The following CORO2B variants were observed in gnomAD, a reference collection of about 807,000 sequenced individuals.
The protein encoded by CORO2B is coronin 2B.
In CORO2B, 26 loss-of-function variants were observed where a neutral mutation model predicts 58.8. The ratio of observed to expected loss-of-function variants is 0.44; its 90% confidence interval spans 0.32 to 0.61. CORO2B has a LOEUF of 0.61. Among genes scored for constraint, CORO2B ranks in the 20% least tolerant of loss-of-function variants. The pLI, the probability that CORO2B is intolerant of heterozygous loss-of-function variation, is 0.04. For synonymous variants in CORO2B, 242 were observed against 253.8 expected, an observed-to-expected ratio of 0.95 and a Z score of 0.44; for missense variants, 460 against 645.1, an observed-to-expected ratio of 0.71 and a Z score of 3.11.
chr15:68,592,629 C>G (rs927362600), intron 1 of CORO2B, among the ~76,000 whole-genome samples: 11 of 152,120 alleles, frequency 7.2e-5, no homozygotes, highest in African/African-American at 2.4e-4. Context: ...GGTTCAAGTC[C>G]CACCTCTCTG....
At position 68,602,793 on chromosome 15, in the gene CORO2B, A is replaced by C. The variant is rs138369718; in HGVS notation, c.15+23516A>C. ...ACCCACTTTCTTCCTGAGAACACTA[A>C]GAAGCAATTCCTCTCTGTTTTCTAA... is the stretch of plus-strand genomic sequence containing the variant. On this transcript the variant is annotated intron_variant, in intron 1 of 11. Transcript: ENST00000261861. Among the ~76,000 whole-genome samples the C allele has an allele frequency of 4.0e-3, 603 of 152,358 alleles. 14 individuals carry two copies. The East Asian group carries it at 0.049, about 13-fold the overall frequency.
chr15:68,607,064 T>C (rs527594468), intron 1 of CORO2B, among the ~76,000 whole-genome samples: 3 of 152,126 alleles, frequency 2.0e-5, no homozygotes, highest in East Asian at 3.9e-4. Flanking sequence ...TCGAGATAGA[T>C]ATTGGGCTTT....
At chr15:68,652,496 CAG>C (rs1901673992) in intron 2 of CORO2B, among the ~76,000 whole-genome samples, 5 of 152,198 alleles carry the variant, frequency 3.3e-5, no homozygotes, top group Admixed American at 3.3e-4. Flanking sequence ...GGGCTAGAAA[CAG>C]AGCTACCTGC....
In CORO2B at chr15:68,718,805, C is replaced by T. The variant is rs748183740; in HGVS notation, c.1075C>T (p.Arg359Trp). 1.9e-6 allele frequency: 3 copies of T among 1,613,578 alleles called. No homozygotes were observed. The highest frequency in any genetic ancestry group is 2.5e-6 in the Non-Finnish European group (3 of 1,179,572). ...LIEPISMIVP[R>W]RSDSYQEDIY... ...CGAGCCCATCTCCATGATCGTGCCC[C>T]GGAGGGTAAGTGGGGCTGGGCTGGG... Residue 359 changes from arginine to tryptophan, a missense_variant, in exon 9 of 12, where the codon CGG (arginine) becomes TGG (tryptophan). Arg to Trp is a moderately radical substitution (Grantham distance 101). Around this residue, in one of 2 missense-constraint regions of CORO2B, gnomAD observed 352 missense variants for 543.0 expected, o/e 0.65. Coordinates refer to ENST00000261861, the MANE Select transcript of CORO2B (RefSeq NM_006091.5).
the CORO2B span, among the ~76,000 whole-genome samples, chr15:68,543,623 A>T: frequency 6.6e-6 from 1 of 152,116 alleles, no homozygotes; most frequent in Non-Finnish European, 1.5e-5. Context: ...AGAGTCCATG[A>T]TTCCCATACA....
chr15:68,700,122 G>A (rs756541407), intron 3 of CORO2B, among the ~76,000 whole-genome samples: 36 of 152,118 alleles, frequency 2.4e-4, no homozygotes, highest in Non-Finnish European at 4.7e-4. Flanking sequence ...CTGAGGCATC[G>A]GCCACCGAGG....
At chr15:68,522,937 G>A in the CORO2B span, among the ~76,000 whole-genome samples, 1 of 152,094 alleles carries the variant, frequency 6.6e-6, no homozygotes, top group Admixed American at 6.6e-5. Flanking sequence ...AACATGTGGA[G>A]ACTTTGGATG....
chr15:68,653,566 G>C (rs1278701466), intron 2 of CORO2B, among the ~76,000 whole-genome samples: 2 of 152,098 alleles, frequency 1.3e-5, no homozygotes, highest in Non-Finnish European at 2.9e-5. Context: ...CACTGAAAGG[G>C]GCTGCATCCT....
intron 1 of CORO2B, among the ~76,000 whole-genome samples, chr15:68,583,608 G>A (rs550919213): frequency 7.2e-5 from 11 of 152,304 alleles, no homozygotes; most frequent in Non-Finnish European, 1.3e-4. Context: ...GGAGGGACAG[G>A]ATGTGGGGCA....
chr15:68,552,920 C>A, the CORO2B span, among the ~76,000 whole-genome samples: 2 of 152,238 alleles, frequency 1.3e-5, no homozygotes, highest in Admixed American at 1.3e-4. Context: ...CAGAGCTGCG[C>A]TTCCTGCTGT....
chr15:68,690,949 G>A (rs1469432983), intron 2 of CORO2B, among the ~76,000 whole-genome samples: 1 of 151,490 alleles, frequency 6.6e-6, no homozygotes, highest in African/African-American at 2.4e-5. Flanking sequence ...GTGAGCCACT[G>A]TGCCTAGCCT....
At chr15:68,623,609 G>A (rs1434659124) in intron 1 of CORO2B, among the ~76,000 whole-genome samples, 2 of 152,136 alleles carry the variant, frequency 1.3e-5, no homozygotes, top group Non-Finnish European at 2.9e-5. Context: ...GACTCCTGGT[G>A]GGAGAAGCCA....
chr15:68,551,351 G>A, the CORO2B span, among the ~76,000 whole-genome samples: 12 of 152,088 alleles, frequency 7.9e-5, no homozygotes, highest in Admixed American at 2.0e-4. Flanking sequence ...GGTCCTCCCC[G>A]CAGGCCCAGG....
At chr15:68,581,964 G>A (rs1899438050) in intron 1 of CORO2B, among the ~76,000 whole-genome samples, 1 of 152,138 alleles carries the variant, frequency 6.6e-6, no homozygotes, top group South Asian at 2.1e-4. Context: ...TCTGGGCCAG[G>A]GTTAGGTATG....
rs542567654 is a variant in CORO2B, at chr15:68,598,792, G to A, written c.15+19515G>A. Among the ~76,000 whole-genome samples, 6 of 152,290 alleles carry A rather than the reference G, an allele frequency of 3.9e-5. No homozygotes were observed. In the South Asian group the frequency reaches 6.2e-4, roughly 16 times the overall value. On this transcript the variant is annotated intron_variant, in intron 1 of 11. Coordinates refer to ENST00000261861, the MANE Select transcript of CORO2B (RefSeq NM_006091.5). Reference sequence around the variant, plus strand: ...GAAATCTGGGGGTTTGTACAGAAACGCTGCCAAAAGAAAGTTTCTGTTCTG... The same window carrying A: ...GAAATCTGGGGGTTTGTACAGAAACACTGCCAAAAGAAAGTTTCTGTTCTG...
chr15:68,690,637 G>A (rs116528047), intron 2 of CORO2B, among the ~76,000 whole-genome samples: 1,819 of 139,536 alleles, frequency 0.013, 47 homozygotes, highest in African/African-American at 0.047. Flanking sequence ...ATGTGATCAC[G>A]TTAGCTTTCT....
In CORO2B at chr15:68,645,090, C is replaced by G. The variant is rs895410958; in HGVS notation, c.16-70C>G. The G allele has an allele frequency of 6.6e-7, 1 of 1,520,230 alleles. No individual in the cohort carries two copies. Among genetic ancestry groups the G allele is most frequent in the Non-Finnish European group, 9.0e-7 (1 of 1,116,456 alleles). 94.2% of individuals were successfully genotyped at this position (1,520,230 alleles called of 1,614,324 possible). A position where few individuals can be genotyped will look rare whatever the true frequency, so the allele number is the denominator to read the frequency against. On this transcript the variant is annotated intron_variant, in intron 1 of 11. Transcript: ENST00000261861. This position sits in a 1 kb window ranked among gnomAD's most constrained non-coding sequence, Gnocchi z 4.5. ...CCTCTGAGCCGCAGCTTCCCTCCCCCAAGAGCCCAGCCGAGGCCCTTCATG... is the reference window on the plus strand; with the variant it reads ...CCTCTGAGCCGCAGCTTCCCTCCCCGAAGAGCCCAGCCGAGGCCCTTCATG...
At chr15:68,670,453 T>C (rs1902354137) in intron 2 of CORO2B, among the ~76,000 whole-genome samples, 1 of 152,184 alleles carries the variant, frequency 6.6e-6, no homozygotes, top group African/African-American at 2.4e-5. Context: ...GTGCTGGGAT[T>C]ACAGGCATGA....
rs544206814 is a variant in CORO2B at position 68,681,550 on chromosome 15, T to C, written c.217-13590T>C. ...TTGGGGGAGATAATCACCATTTTCA[T>C]AGGACCTGAGACATCACATTTAAAA... On this transcript the variant is annotated intron_variant, in intron 2 of 11. Transcript: ENST00000261861. 1.1e-3 allele frequency among the ~76,000 whole-genome samples: 167 copies of C among 152,270 alleles called. 1 individual carries two copies. Among genetic ancestry groups the C allele is most frequent in the African/African-American group, 4.0e-3 (167 of 41,552 alleles).
Sources: allele counts gnomAD v4.1 joint callset (sites outside exome capture counted in the v4.1 genomes callset), GRCh38; gene constraint gnomAD v4.1.1; regional missense constraint gnomAD v4.1.1; non-coding constraint Gnocchi (gnomAD v3.1); transcripts MANE v1.5; gene names NCBI Gene and HGNC (gene_info 2026-07-23, HGNC 2026-07-21).